CHST9: variants seen among roughly 807,000 people sequenced by gnomAD.
CHST9 encodes the protein GalNAc-4-sulfotransferase 2.
Under a neutral mutation model 44.4 loss-of-function variants are expected in CHST9, and 41 were observed. The ratio of observed to expected loss-of-function variants is 0.92; its 90% CI spans 0.72 to 1.20. The LOEUF (loss-of-function observed/expected upper bound fraction) is 1.20, where lower values mean the gene tolerates loss of function less well. Among genes scored for constraint, CHST9 ranks in the 50% most tolerant of loss-of-function variants. The pLI is 0.00. For synonymous variants in CHST9, 171 were observed against 178.4 expected, an observed-to-expected ratio of 0.96 and a Z score of 0.33; for missense variants, 504 against 516.5, an observed-to-expected ratio of 0.98 and a Z score of 0.23.
chr18:27,043,654 A>T (rs2143541678), intron 3 of CHST9, among the ~76,000 whole-genome samples: 1 of 152,156 alleles, frequency 6.6e-6, no homozygotes, highest in African/African-American at 2.4e-5. Context: ...GGTAATTAAA[A>T]TGATATGCTT....
chr18:27,034,290 G>A (rs923954133), intron 3 of CHST9, among the ~76,000 whole-genome samples: 2 of 152,084 alleles, frequency 1.3e-5, no homozygotes, highest in African/African-American at 4.8e-5. Context: ...AGCATGTGCT[G>A]TCAGTTTTAC....
At chr18:27,091,201 G>T (rs894878874) in intron 2 of CHST9, among the ~76,000 whole-genome samples, 2 of 152,086 alleles carry the variant, frequency 1.3e-5, no homozygotes, top group Non-Finnish European at 2.9e-5. Flanking sequence ...TATTCTCTTT[G>T]TAGCACTTGT....
chr18:26,921,521 AG>A (rs1358778617), intron 5 of CHST9, among the ~76,000 whole-genome samples: 2 of 152,144 alleles, frequency 1.3e-5, no homozygotes, highest in African/African-American at 4.8e-5. Flanking sequence ...ACCTTATAAA[AG>A]CTGTTATTCG....
rs145774415 is a variant in CHST9, at chr18:26,911,407, G to A, written c.*4852C>T. 2.0e-5 allele frequency: 3 copies of A among 152,104 alleles called. No individual in the cohort carries two copies. Among genetic ancestry groups the A allele is most frequent in the Non-Finnish European group, 2.9e-5 (2 of 68,016 alleles). 9.4% of individuals were successfully genotyped at this position (152,104 alleles called of 1,614,324 possible). On this transcript the variant is annotated 3_prime_UTR_variant, in exon 6 of 6. Coordinates refer to ENST00000618847, the MANE Select transcript of CHST9 (RefSeq NM_031422.6). ...ACGAACCTCCCTGACAAAAAAAATC[G>A]AGGAAAGGAATGCCTGCATTTATTG...
At chr18:27,145,805 G>A (rs188141371) in intron 1 of CHST9, among the ~76,000 whole-genome samples, 5 of 152,306 alleles carry the variant, frequency 3.3e-5, no homozygotes, top group South Asian at 2.1e-4. Flanking sequence ...AACAGTTCCC[G>A]AGGGAGACTT....
chr18:27,052,991 T>A (rs2057586573), intron 2 of CHST9, among the ~76,000 whole-genome samples: 1 of 151,450 alleles, frequency 6.6e-6, no homozygotes, highest in East Asian at 1.9e-4. Flanking sequence ...AAAACCTAGA[T>A]GACAGGTTGA....
At chr18:26,987,274 C>T (rs753573186) in intron 4 of CHST9, among the ~76,000 whole-genome samples, 1 of 152,180 alleles carries the variant, frequency 6.6e-6, no homozygotes, top group African/African-American at 2.4e-5. Context: ...TCTCTTTGCA[C>T]GTGTCTGCTT....
At chr18:27,077,017 G>A (rs2057911687) in intron 2 of CHST9, among the ~76,000 whole-genome samples, 1 of 152,168 alleles carries the variant, frequency 6.6e-6, no homozygotes, top group Admixed American at 6.5e-5. Flanking sequence ...AGAAAAGGCA[G>A]TCCATCTATA....
chr18:27,157,227 A>G (rs1282176410), intron 1 of CHST9, among the ~76,000 whole-genome samples: 1 of 151,696 alleles, frequency 6.6e-6, no homozygotes, highest in Non-Finnish European at 1.5e-5. Context: ...TTATCTAGGC[A>G]TCAGATGTGT....
intron 4 of CHST9, among the ~76,000 whole-genome samples, chr18:26,971,700 C>CATCCCTT (rs1297583752): frequency 3.3e-5 from 5 of 152,194 alleles, no homozygotes; most frequent in Non-Finnish European, 7.3e-5. Flanking sequence ...CAGCAGCACG[C>CATCCCTT]ATCCCTTCTG....
chr18:27,005,949 A>C (rs575319770), intron 4 of CHST9, among the ~76,000 whole-genome samples: 1 of 152,292 alleles, frequency 6.6e-6, no homozygotes, highest in East Asian at 1.9e-4. Flanking sequence ...TTGAATGAGA[A>C]TCTAGGTCTA....
At chr18:26,929,161 A>T (rs565309597) in intron 5 of CHST9, among the ~76,000 whole-genome samples, 1 of 152,272 alleles carries the variant, frequency 6.6e-6, no homozygotes, top group South Asian at 2.1e-4. Context: ...TGAGAAAAGG[A>T]ACACCCTACA....
intron 2 of CHST9, among the ~76,000 whole-genome samples, chr18:27,081,572 G>A (rs2057961222): frequency 6.6e-6 from 1 of 152,092 alleles, no homozygotes; most frequent in Admixed American, 6.6e-5. Context: ...TCTTGAGGGT[G>A]GAGGCTTTGT....
intron 1 of CHST9, among the ~76,000 whole-genome samples, chr18:27,152,250 T>G (rs2058665276): frequency 6.6e-6 from 1 of 152,186 alleles, no homozygotes; most frequent in Middle Eastern, 3.2e-3. Context: ...AATTAAAATT[T>G]TTAGCAAGAC....
At chr18:26,931,217 CT>C (rs1312379074) in intron 5 of CHST9, among the ~76,000 whole-genome samples, 1 of 152,216 alleles carries the variant, frequency 6.6e-6, no homozygotes, top group Non-Finnish European at 1.5e-5. Context: ...CCTTCCCTCA[CT>C]ACAATTCTGT....
At chr18:27,014,793 A>G (rs543958604) in intron 4 of CHST9, among the ~76,000 whole-genome samples, 9 of 152,322 alleles carry the variant, frequency 5.9e-5, no homozygotes, top group African/African-American at 2.2e-4. Context: ...TCTCAATTGT[A>G]GTAAACACTA....
rs1381241454 is a variant in CHST9, at chr18:27,185,194, G to A, written c.-155C>T. The A allele has an allele frequency of 3.3e-5, 5 of 152,122 alleles. No homozygotes were observed. The highest frequency in any genetic ancestry group is 9.7e-5 in the African/African-American group (4 of 41,450). The allele number at this position is 152,122 out of a possible 1,614,324, so 9.4% of individuals were successfully genotyped here. ...GCTGTTCCAGGAGCGCAGCTTCGGA[G>A]GAAACTTCCCCGCGCTCCGGGGCAA... On this transcript the variant is annotated 5_prime_UTR_variant, in exon 1 of 6. Coordinates refer to ENST00000618847, the MANE Select transcript of CHST9 (RefSeq NM_031422.6).
At chr18:26,968,325 T>C (rs1168458247) in intron 4 of CHST9, among the ~76,000 whole-genome samples, 1 of 152,160 alleles carries the variant, frequency 6.6e-6, no homozygotes, top group African/African-American at 2.4e-5. Context: ...GAGTTTGTTA[T>C]TTCACCCACA....
At chr18:27,075,199 A>G (rs1050208386) in intron 2 of CHST9, among the ~76,000 whole-genome samples, 6 of 140,154 alleles carry the variant, frequency 4.3e-5, no homozygotes, top group African/African-American at 1.6e-4. Flanking sequence ...TGGCTGACAC[A>G]TTTCATTAGT....
Sources: allele counts gnomAD v4.1 joint callset (sites outside exome capture counted in the v4.1 genomes callset), GRCh38; gene constraint gnomAD v4.1.1; transcripts MANE v1.5; gene names NCBI Gene and HGNC (gene_info 2026-07-23, HGNC 2026-07-21).